GALNT13: variants seen among roughly 807,000 people sequenced by gnomAD.
GALNT13 encodes polypeptide N-acetylgalactosaminyltransferase 13, also known as UDP-GalNAc:polypeptide N-acetylgalactosaminyltransferase 13.
In GALNT13, 28 loss-of-function variants were observed where a neutral mutation model predicts 64.2. The ratio of observed to expected loss-of-function variants is 0.44; its 90% CI spans 0.32 to 0.60. The LOEUF is 0.60. GALNT13 is among the 20% of genes least tolerant of loss of function. The probability of loss-of-function intolerance (pLI) is 0.05; values close to 1 mark genes in which losing one functional copy is unlikely to be tolerated. For missense variants in GALNT13, 577 were observed against 669.8 expected (o/e 0.86, Z 1.53); for synonymous variants, 214 against 224.6 (o/e 0.95, Z 0.42).
the GALNT13 span, among the ~76,000 whole-genome samples, chr2:153,813,957 T>G: frequency 6.6e-6 from 1 of 152,194 alleles, no homozygotes; most frequent in Non-Finnish European, 1.5e-5. Context: ...TGCTCCCTGA[T>G]GTAGTCTGTC....
the GALNT13 span, among the ~76,000 whole-genome samples, chr2:153,145,257 T>C: frequency 1.3e-5 from 2 of 151,908 alleles, no homozygotes; most frequent in Non-Finnish European, 2.9e-5. Context: ...TATTTGGTCG[T>C]TAGAACAAAA....
chr2:153,615,042 C>A, the GALNT13 span, among the ~76,000 whole-genome samples: 10 of 152,040 alleles, frequency 6.6e-5, no homozygotes, highest in Admixed American at 6.6e-4. Flanking sequence ...TCAATCCCAG[C>A]GTCTGGTAAC....
At chr2:153,991,820 G>A (rs180682236) in intron 3 of GALNT13, among the ~76,000 whole-genome samples, 45 of 152,162 alleles carry the variant, frequency 3.0e-4, no homozygotes, top group Admixed American at 2.3e-3. Flanking sequence ...TTACTTAAAA[G>A]GGGGAAATAA....
intron 9 of GALNT13, among the ~76,000 whole-genome samples, chr2:154,358,443 A>T (rs1696872254): frequency 6.6e-6 from 1 of 152,086 alleles, no homozygotes; most frequent in Non-Finnish European, 1.5e-5. Context: ...CTTTATATGC[A>T]TTTATAGAAT....
At position 154,335,957 on chromosome 2, in the gene GALNT13, C is replaced by T. The variant is rs139979245; in HGVS notation, c.1156+34368C>T. On this transcript the variant is annotated intron_variant, in intron 9 of 12. Coordinates refer to ENST00000392825, the MANE Select transcript of GALNT13 (RefSeq NM_052917.4). ...TATGTATTTTTTTTAGTGTTTACACCTTAGGTATTTACTTGGTACTTTGTT... is the reference window on the plus strand; with the variant it reads ...TATGTATTTTTTTTAGTGTTTACACTTTAGGTATTTACTTGGTACTTTGTT... Among the ~76,000 whole-genome samples the T allele has an allele frequency of 9.6e-3, 1,453 of 151,780 alleles. 25 individuals are homozygous for T. Among genetic ancestry groups the T allele is most frequent in the African/African-American group, 0.033 (1,368 of 41,424 alleles).
At chr2:153,427,781 G>T in the GALNT13 span, among the ~76,000 whole-genome samples, 1 of 151,964 alleles carries the variant, frequency 6.6e-6, no homozygotes, top group African/African-American at 2.4e-5. Context: ...TTCATATCTT[G>T]CTTTCCTTTT....
At chr2:154,341,233 C>T (rs1392601187) in intron 9 of GALNT13, among the ~76,000 whole-genome samples, 1 of 151,984 alleles carries the variant, frequency 6.6e-6, no homozygotes, top group Non-Finnish European at 1.5e-5. Flanking sequence ...ACTTACCCAG[C>T]AAATATATTT....
the GALNT13 span, among the ~76,000 whole-genome samples, chr2:153,299,712 G>T: frequency 6.6e-6 from 1 of 152,210 alleles, no homozygotes; most frequent in Non-Finnish European, 1.5e-5. Flanking sequence ...AGCAGAGCTT[G>T]GTGGGAAAAG....
At chr2:153,241,772 T>A in the GALNT13 span, among the ~76,000 whole-genome samples, 1 of 151,954 alleles carries the variant, frequency 6.6e-6, no homozygotes, top group African/African-American at 2.4e-5. Context: ...GCAAATCTGG[T>A]GCACTCTATT....
chr2:153,572,675 TTTC>T, the GALNT13 span, among the ~76,000 whole-genome samples: 1 of 151,996 alleles, frequency 6.6e-6, no homozygotes, highest in African/African-American at 2.4e-5. Context: ...ATATTTCCGT[TTTC>T]TTCTTAATTT....
At chr2:153,609,368 A>C in the GALNT13 span, among the ~76,000 whole-genome samples, 2 of 152,218 alleles carry the variant, frequency 1.3e-5, no homozygotes, top group African/African-American at 4.8e-5. Context: ...TAATTATCAT[A>C]GTTCATAATG....
chr2:154,260,284 A>G (rs1310035161), intron 8 of GALNT13, among the ~76,000 whole-genome samples: 1 of 152,206 alleles, frequency 6.6e-6, no homozygotes, highest in African/African-American at 2.4e-5. Context: ...TTTAAAAATT[A>G]TGCCTTTTAA....
the GALNT13 span, among the ~76,000 whole-genome samples, chr2:153,444,491 T>C: frequency 1.3e-5 from 2 of 152,348 alleles, no homozygotes; most frequent in South Asian, 4.1e-4. Flanking sequence ...TTATCTTTGC[T>C]ATCCATTTGA....
chr2:154,168,522 G>A (rs1374751059), intron 4 of GALNT13, among the ~76,000 whole-genome samples: 1 of 151,930 alleles, frequency 6.6e-6, no homozygotes, highest in African/African-American at 2.4e-5. Flanking sequence ...AGGAAAACTT[G>A]AGACTAGGTA....
intron 3 of GALNT13, among the ~76,000 whole-genome samples, chr2:154,135,696 G>C (rs1275939589): frequency 6.6e-6 from 1 of 152,092 alleles, no homozygotes; most frequent in African/African-American, 2.4e-5. Flanking sequence ...GTGTGATGGT[G>C]GGTTCTTGTA....
chr2:154,375,770 A>G (rs1042241827), intron 9 of GALNT13, among the ~76,000 whole-genome samples: 3 of 152,184 alleles, frequency 2.0e-5, no homozygotes, highest in African/African-American at 7.2e-5. Flanking sequence ...GTTTTTTTGC[A>G]CGGAGGGATT....
intron 1 of GALNT13, among the ~76,000 whole-genome samples, chr2:153,886,013 G>C (rs1250669399): frequency 6.6e-6 from 1 of 151,990 alleles, no homozygotes; most frequent in African/African-American, 2.4e-5. Context: ...GAGAGACAGA[G>C]AGAGAGAAAG....
At chr2:154,340,481 T>C (rs775989443) in intron 9 of GALNT13, among the ~76,000 whole-genome samples, 25 of 152,138 alleles carry the variant, frequency 1.6e-4, no homozygotes, top group African/African-American at 1.9e-4. Context: ...GTTTTCTTGA[T>C]GATGACTTCA....
At chr2:153,589,348 T>G in the GALNT13 span, among the ~76,000 whole-genome samples, 3 of 152,164 alleles carry the variant, frequency 2.0e-5, no homozygotes, top group African/African-American at 7.2e-5. Context: ...CATGTCATTA[T>G]CAGCAGCATT....
Sources: gnomAD v4.1 joint callset for allele counts (sites outside exome capture counted in the v4.1 genomes callset) on GRCh38, gnomAD v4.1.1 for gene constraint, MANE v1.5 for transcripts, NCBI Gene and HGNC (gene_info 2026-07-23, HGNC 2026-07-21) for gene names.